The following CSK variants were observed in gnomAD, a reference collection of about 807,000 sequenced individuals.
CSK encodes tyrosine-protein kinase CSK.
A neutral mutation model predicts 62.3 loss-of-function variants in CSK; 7 were observed. That is an observed-to-expected ratio of 0.11 (90% CI 0.06 to 0.21). The LOEUF (loss-of-function observed/expected upper bound fraction) is 0.21, where lower values mean the gene tolerates loss of function less well. Among genes scored for constraint, CSK ranks in the 10% least tolerant of loss-of-function variants. CSK has a pLI of 1.00. For missense variants in CSK, 294 were observed against 613.5 expected, an observed-to-expected ratio of 0.48 and a Z score of 5.50; for synonymous variants, 237 against 246.0, an observed-to-expected ratio of 0.96 and a Z score of 0.34.
chr15:74,799,019 G>T, intron 4 of CSK, 81 bp downstream of exon 4: 1 of 1,292,382 alleles, frequency 7.7e-7, no homozygotes, highest in South Asian at 1.5e-5. Flanking sequence ...AGGGAGGCCA[G>T]AGTGAGGGGC....
chr15:74,802,123 C>T (rs2063801492), intron 12 of CSK, 40 bp downstream of exon 12: 1 of 1,598,060 alleles, frequency 6.3e-7, no homozygotes, highest in Non-Finnish European at 8.6e-7. Context: ...TCTTGGAGCA[C>T]CGGAGGGGTT....
At position 74,801,536 on chromosome 15, in the gene CSK, C is replaced by T. The variant is rs758164771; in HGVS notation, c.828C>T (p.Asp276=). The change falls in exon 10 of 13, where the codon GAC becomes GAT. Residue 276 remains aspartate, a synonymous_variant. Transcript: ENST00000220003. ...TEYMAKGSLV[D]YLRSRGRSVL... is the part of the protein sequence containing the mutation. Reference sequence around the variant, plus strand: ...CCTGCCCCCAGGGGAGCCTTGTGGACTACCTGCGGTCTAGGGGTCGGTCAG... The same window carrying T: ...CCTGCCCCCAGGGGAGCCTTGTGGATTACCTGCGGTCTAGGGGTCGGTCAG... The T allele has an allele frequency of 3.7e-6, 6 of 1,613,340 alleles. No individual in the cohort carries two copies. The highest frequency in any genetic ancestry group is 4.5e-5 in the East Asian group (2 of 44,886).
At chr15:74,784,312 G>A (rs1047443784) in intron 1 of CSK, among the ~76,000 whole-genome samples, 4 of 152,164 alleles carry the variant, frequency 2.6e-5, no homozygotes, top group Non-Finnish European at 5.9e-5. Flanking sequence ...CCCACACCCA[G>A]CCCTAACTTC....
chr15:74,797,700 A>C (rs745967383), intron 1 of CSK, among the ~76,000 whole-genome samples: 7 of 151,258 alleles, frequency 4.6e-5, no homozygotes, highest in Admixed American at 2.0e-4. Context: ...GTTTATTACA[A>C]AGCATGCCAC....
At chr15:74,792,598 C>T (rs527569772) in intron 1 of CSK, among the ~76,000 whole-genome samples, 1 of 152,242 alleles carries the variant, frequency 6.6e-6, no homozygotes, top group Non-Finnish European at 1.5e-5. Context: ...GCCTGACCCC[C>T]GCTGGGTTGT....
chr15:74,786,013 TTG>T (rs1555464578), intron 1 of CSK, among the ~76,000 whole-genome samples: 589 of 47,846 alleles, frequency 0.012, 26 homozygotes, highest in South Asian at 0.065. Flanking sequence ...TTTTTTTTTT[TTG>T]TGTGTGTGTG....
rs1321943579 is a variant in CSK, at chr15:74,800,030, C to G, written c.463-382C>G. 8.5e-5 allele frequency among the ~76,000 whole-genome samples: 13 copies of G among 152,202 alleles called. 1 individual carries two copies. Among genetic ancestry groups the G allele is most frequent in the Admixed American group, 8.5e-4 (13 of 15,286 alleles). ...GCCACAGGAAGCCTCCCGTGTCCCT[C>G]TGTATTCACTCTTATCTCCCTCCCC... On this transcript the variant is annotated intron_variant, in intron 5 of 12. Transcript: ENST00000220003.
chr15:74,791,659 T>C (rs1029193391), intron 1 of CSK, among the ~76,000 whole-genome samples: 1 of 152,252 alleles, frequency 6.6e-6, no homozygotes, highest in African/African-American at 2.4e-5. Flanking sequence ...GTTTCTCTAG[T>C]GTCCTGTTCA....
rs2063451129 is a variant in CSK, at chr15:74,782,492, TC to T, written c.-291del. The stretch of plus-strand genomic sequence containing the variant: ...ACATTGTTTCCTCCCCCCGACTCCC[TC>T]CCGCCCCCTTCCCCCGCCTTTCTTC... On this transcript the variant is annotated 5_prime_UTR_variant, in exon 1 of 13. Transcript: ENST00000220003. The surrounding 1 kb of genome is among the most constrained non-coding windows in gnomAD (Gnocchi z 5.7). The T allele has an allele frequency of 1.8e-5, 1 of 54,694 alleles. No homozygotes were observed. Among genetic ancestry groups the T allele is most frequent in the South Asian group, 6.1e-4 (1 of 1,642 alleles). The allele number at this position is 54,694 out of a possible 1,614,324, so 3.4% of individuals were successfully genotyped here. A position where few individuals can be genotyped will look rare whatever the true frequency, so the allele number is the denominator to read the frequency against.
chr15:74,791,902 T>G (rs1172534165), intron 1 of CSK, among the ~76,000 whole-genome samples: 1 of 152,224 alleles, frequency 6.6e-6, no homozygotes, highest in Non-Finnish European at 1.5e-5. Context: ...GTTCCGGGGT[T>G]GTCCGCACGT....
At position 74,799,525 on chromosome 15, in the gene CSK, C is replaced by T. The variant is rs1353646101; in HGVS notation, c.462+34C>T. The T allele has an allele frequency of 3.8e-6, 6 of 1,591,552 alleles. No individual in the cohort carries two copies. In the African/African-American group the frequency reaches 6.7e-5, roughly 18 times the overall value. ...GGGGGTACAGAGCCTTGCTCCCACC[C>T]TCACACACCCTAAACCCATCTGGGG... On this transcript the variant is annotated intron_variant, in intron 5 of 12. Coordinates refer to ENST00000220003, the MANE Select transcript of CSK (RefSeq NM_004383.3).
At position 74,798,541 on chromosome 15, in the gene CSK, G is replaced by C. The variant is rs755313963; in HGVS notation, c.16-74G>C. On this transcript the variant is annotated intron_variant, in intron 2 of 12. Transcript: ENST00000220003. This position sits in a 1 kb window ranked among gnomAD's most constrained non-coding sequence, Gnocchi z 6.6. ...TCACAGAGGCCAGCTCAGAGGCTGT[G>C]ACCACGAGGGTGCGCCAGCAGGTGG... 3 of 1,422,300 alleles carry C rather than the reference G, an allele frequency of 2.1e-6. No homozygotes were observed. Among genetic ancestry groups the C allele is most frequent in the Admixed American group, 3.6e-5 (2 of 55,370 alleles). The allele number at this position is 1,422,300 out of a possible 1,614,324, so 88.1% of individuals were successfully genotyped here.
At chr15:74,787,492 T>G (rs2063541325) in intron 1 of CSK, among the ~76,000 whole-genome samples, 1 of 152,166 alleles carries the variant, frequency 6.6e-6, no homozygotes, top group Admixed American at 6.5e-5. Flanking sequence ...AGAAGTGGTT[T>G]GTCAAGCGAC....
At chr15:74,790,008 C>T (rs148842579) in intron 1 of CSK, among the ~76,000 whole-genome samples, 1 of 152,346 alleles carries the variant, frequency 6.6e-6, no homozygotes, top group Non-Finnish European at 1.5e-5. Flanking sequence ...ACCCGGATAT[C>T]CTGGCCTACC....
chr15:74,802,923 G>C lies in CSK; in HGVS notation c.*410G>C, dbSNP rs1250909116. ...AAGAAGTACGAATCTTATTTTTCCT[G>C]TCCTGCCCGTGAGGGTGGGGGGGAC... On this transcript the variant is annotated 3_prime_UTR_variant, in exon 13 of 13. Coordinates refer to ENST00000220003, the MANE Select transcript of CSK (RefSeq NM_004383.3). The C allele has an allele frequency of 5.3e-6, 1 of 189,594 alleles. No homozygotes were observed. The highest frequency in any genetic ancestry group is 1.1e-5 in the Non-Finnish European group (1 of 92,266). 11.7% of individuals were successfully genotyped at this position (189,594 alleles called of 1,614,324 possible). A position where few individuals can be genotyped will look rare whatever the true frequency, so the allele number is the denominator to read the frequency against.
rs377185561 is a variant in CSK, at chr15:74,800,553, G to A, written c.556+48G>A. ...CTCTTGCCCACCCACCTCCTCCCAC[G>A]CAGGCTTCCTGGCACTGCCCCATCC... On this transcript the variant is annotated intron_variant, in intron 6 of 12. Coordinates refer to ENST00000220003, the MANE Select transcript of CSK (RefSeq NM_004383.3). 1.8e-4 allele frequency: 285 copies of A among 1,580,968 alleles called. 1 individual carries two copies. Among genetic ancestry groups the A allele is most frequent in the African/African-American group, 5.9e-4 (44 of 74,470 alleles).
intron 1 of CSK, among the ~76,000 whole-genome samples, chr15:74,788,027 A>G (rs1250090227): frequency 6.6e-6 from 1 of 152,124 alleles, no homozygotes; most frequent in African/African-American, 2.4e-5. Flanking sequence ...AGCTGGTAGG[A>G]GCTCTGAAGC....
chr15:74,798,312 G>A lies in CSK; in HGVS notation c.15G>A (p.Gln5=). ...CTCCTGAGAAGATGTCAGCAATACA[G>A]GTACCACAGGGGTGAGGGTCTGGGA... is the stretch of plus-strand genomic sequence containing the variant. The part of the protein sequence containing the change: MSAI[Q]AAWPSGTECI... Residue 5 remains glutamine, a splice_region_variant and synonymous_variant, in exon 2 of 13, where the codon CAG becomes CAA. Transcript: ENST00000220003. This position sits in a 1 kb window ranked among gnomAD's most constrained non-coding sequence, Gnocchi z 6.6. The A allele has an allele frequency of 6.3e-7, 1 of 1,581,390 alleles. No homozygotes were observed. The highest frequency in any genetic ancestry group is 8.6e-7 in the Non-Finnish European group (1 of 1,162,766).
At chr15:74,792,052 T>C (rs1378656420) in intron 1 of CSK, among the ~76,000 whole-genome samples, 1 of 152,176 alleles carries the variant, frequency 6.6e-6, no homozygotes, top group Non-Finnish European at 1.5e-5. Flanking sequence ...TACTCTATCA[T>C]GGGGAGTGTT....
Sources: gnomAD v4.1 joint callset for allele counts (sites outside exome capture counted in the v4.1 genomes callset) on GRCh38, gnomAD v4.1.1 for gene constraint, Gnocchi (gnomAD v3.1) non-coding constraint, MANE v1.5 for transcripts, NCBI Gene and HGNC (gene_info 2026-07-23, HGNC 2026-07-21) for gene names.